ST6GALNAC3: variants seen among roughly 807,000 people sequenced by gnomAD.
ST6GALNAC3 encodes alpha-N-acetylgalactosaminide alpha-2,6-sialyltransferase 3.
A neutral mutation model predicts 32.7 loss-of-function variants in ST6GALNAC3; 25 were observed. That is an observed-to-expected ratio of 0.76 (90% CI 0.56 to 1.07). ST6GALNAC3 has a LOEUF of 1.07. ST6GALNAC3 is among the 50% of genes least tolerant of loss of function. The probability of loss-of-function intolerance (pLI) is 0.00; values close to 1 mark genes in which losing one functional copy is unlikely to be tolerated. For missense variants in ST6GALNAC3, 355 were observed against 382.4 expected (o/e 0.93, Z 0.60); for synonymous variants, 129 against 133.1 (o/e 0.97, Z 0.21).
intron 2 of ST6GALNAC3, among the ~76,000 whole-genome samples, chr1:76,366,292 A>T (rs10782614): frequency 0.99 from 150,091 of 152,254 alleles, 74,023 homozygotes; most frequent in Middle Eastern, 1. Context: ...CTGATCTGAC[A>T]GACTCCTGCA....
chr1:76,454,978 T>C (rs1336002966), intron 3 of ST6GALNAC3, among the ~76,000 whole-genome samples: 3 of 152,092 alleles, frequency 2.0e-5, no homozygotes, highest in Non-Finnish European at 4.4e-5. Flanking sequence ...TTGTATTACA[T>C]AGGAATTTAT....
intron 2 of ST6GALNAC3, among the ~76,000 whole-genome samples, chr1:76,343,221 C>G (rs1648209668): frequency 6.6e-6 from 1 of 152,002 alleles, no homozygotes; most frequent in Admixed American, 6.6e-5. Flanking sequence ...AAATAAATGC[C>G]TACATTTTGC....
chr1:76,635,911 T>C (rs1035376457), downstream of ST6GALNAC3, among the ~76,000 whole-genome samples: 8 of 152,168 alleles, frequency 5.3e-5, no homozygotes, highest in African/African-American at 1.9e-4. Context: ...GTATGGGCAA[T>C]GCTGTCTAAA....
At chr1:76,515,672 G>T (rs575389392) in intron 3 of ST6GALNAC3, among the ~76,000 whole-genome samples, 1 of 152,116 alleles carries the variant, frequency 6.6e-6, no homozygotes, top group African/African-American at 2.4e-5. Flanking sequence ...TACCCAGTTG[G>T]TTACTTTGGA....
At chr1:76,357,131 T>TTTC (rs915990046) in intron 2 of ST6GALNAC3, among the ~76,000 whole-genome samples, 1 of 3,186 alleles carries the variant, frequency 3.1e-4, no homozygotes, top group African/African-American at 5.3e-4. Flanking sequence ...TTTCTTTTTC[T>TTTC]TTTTTTTTTT....
intron 3 of ST6GALNAC3, among the ~76,000 whole-genome samples, chr1:76,569,336 G>T (rs538785582): frequency 6.8e-6 from 1 of 147,098 alleles, no homozygotes; most frequent in East Asian, 2.0e-4. Context: ...ATTTCAGCTT[G>T]GCAAAAATGA....
chr1:76,507,077 C>G (rs535576261), intron 3 of ST6GALNAC3, among the ~76,000 whole-genome samples: 1 of 152,228 alleles, frequency 6.6e-6, no homozygotes, highest in Non-Finnish European at 1.5e-5. Context: ...TCTGACTAGT[C>G]CAGAGCTATA....
intron 3 of ST6GALNAC3, among the ~76,000 whole-genome samples, chr1:76,551,148 T>C (rs1165403607): frequency 6.6e-6 from 1 of 152,204 alleles, no homozygotes; most frequent in Non-Finnish European, 1.5e-5. Flanking sequence ...TTATTACTAA[T>C]TGTGATATCT....
chr1:76,403,682 A>G (rs1406466502), intron 2 of ST6GALNAC3, among the ~76,000 whole-genome samples: 1 of 152,084 alleles, frequency 6.6e-6, no homozygotes, highest in Non-Finnish European at 1.5e-5. Context: ...TAGTTGAGTG[A>G]CATGCAAGTA....
At chr1:76,143,797 G>T (rs747023629) in intron 1 of ST6GALNAC3, among the ~76,000 whole-genome samples, 6 of 152,136 alleles carry the variant, frequency 3.9e-5, no homozygotes, top group Non-Finnish European at 7.3e-5. Flanking sequence ...GAAGACTGTG[G>T]ATCTGAAAAT....
chr1:76,571,400 C>T (rs772580823), intron 3 of ST6GALNAC3, among the ~76,000 whole-genome samples: 4 of 152,016 alleles, frequency 2.6e-5, no homozygotes, highest in Non-Finnish European at 2.9e-5. Context: ...AGGCAACTTC[C>T]GCACTTATAA....
At chr1:76,244,479 A>G (rs1657146305) in intron 1 of ST6GALNAC3, among the ~76,000 whole-genome samples, 1 of 152,156 alleles carries the variant, frequency 6.6e-6, no homozygotes, top group Admixed American at 6.5e-5. Flanking sequence ...AACTTCCAAT[A>G]CTATATTGAA....
chr1:76,300,633 T>C (rs2100846293), intron 1 of ST6GALNAC3, among the ~76,000 whole-genome samples: 1 of 152,146 alleles, frequency 6.6e-6, no homozygotes, highest in Non-Finnish European at 1.5e-5. Context: ...CACAACCACC[T>C]GCAACATTAT....
At chr1:76,093,851 T>G (rs1647084841) in intron 1 of ST6GALNAC3, among the ~76,000 whole-genome samples, 1 of 152,214 alleles carries the variant, frequency 6.6e-6, no homozygotes, top group African/African-American at 2.4e-5. Context: ...ACTTTATTGT[T>G]CTTTGTTGAA....
rs1423761421 is a variant in ST6GALNAC3, at chr1:76,484,130, T to C, written c.623+71713T>C. Among the ~76,000 whole-genome samples, 6 of 152,204 alleles carry C rather than the reference T, an allele frequency of 3.9e-5. No homozygotes were observed. The East Asian group carries it at 1.2e-3, about 29-fold the overall frequency. On this transcript the variant is annotated intron_variant, in intron 3 of 4. Transcript: ENST00000328299. ...TGCTGTTTTGGTTACTGTAGCCTTG[T>C]AGCAGAGTTTGAAGTCAGGTAGCAT... is the stretch of plus-strand genomic sequence containing the variant.
At chr1:76,224,459 A>C (rs1461747874) in intron 1 of ST6GALNAC3, among the ~76,000 whole-genome samples, 4 of 152,230 alleles carry the variant, frequency 2.6e-5, no homozygotes, top group African/African-American at 9.6e-5. Context: ...AAACTTAGAG[A>C]GTTAGTGCTA....
intron 1 of ST6GALNAC3, among the ~76,000 whole-genome samples, chr1:76,082,266 G>C (rs541079830): frequency 1.2e-4 from 18 of 152,190 alleles, no homozygotes; most frequent in Admixed American, 2.6e-4. Context: ...AGATTTACAA[G>C]TGCTACCTGG....
chr1:76,146,289 A>G (rs1650677205), intron 1 of ST6GALNAC3, among the ~76,000 whole-genome samples: 1 of 151,860 alleles, frequency 6.6e-6, no homozygotes, highest in African/African-American at 2.4e-5. Flanking sequence ...GTGTCTGTCT[A>G]AAGCCTTAAC....
intron 3 of ST6GALNAC3, among the ~76,000 whole-genome samples, chr1:76,532,788 C>T (rs1663340151): frequency 6.6e-6 from 1 of 152,082 alleles, no homozygotes; most frequent in South Asian, 2.1e-4. Context: ...GGTATATTTA[C>T]TGTTGTATGA....
Sources: gnomAD v4.1 joint callset for allele counts (sites outside exome capture counted in the v4.1 genomes callset) on GRCh38, gnomAD v4.1.1 for gene constraint, MANE v1.5 for transcripts, NCBI Gene and HGNC (gene_info 2026-07-23, HGNC 2026-07-21) for gene names.